Variants in JAZF1 observed in about 807,000 individuals in gnomAD.
JAZF1 encodes JAZF zinc finger 1.
JAZF1 carries 8 observed loss-of-function variants against 26.4 expected under a neutral mutation model. The ratio of observed to expected loss-of-function variants is 0.30; its 90% CI spans 0.18 to 0.55. The LOEUF is 0.55. Ranked by LOEUF, JAZF1 falls within the 20% of genes least tolerant of loss-of-function variation. The pLI, the probability that JAZF1 is intolerant of heterozygous loss-of-function variation, is 0.94. For synonymous variants in JAZF1, 126 were observed against 122.3 expected, an observed-to-expected ratio of 1.03 and a Z score of -0.20; for missense variants, 199 against 322.0, an observed-to-expected ratio of 0.62 and a Z score of 2.92.
intron 1 of JAZF1, among the ~76,000 whole-genome samples, chr7:28,026,582 G>A (rs34109885): frequency 1.3e-5 from 2 of 152,042 alleles, no homozygotes; most frequent in Admixed American, 6.6e-5. Context: ...CCTAGAATGT[G>A]CTACTCATAA....
chr7:27,943,172 T>C (rs1438379207), intron 2 of JAZF1, among the ~76,000 whole-genome samples: 1 of 152,158 alleles, frequency 6.6e-6, no homozygotes, highest in Non-Finnish European at 1.5e-5. Context: ...TTTCCCAGAA[T>C]AGAAGGGGAC....
chr7:27,979,398 TTTTTTTTA>T, intron 2 of JAZF1, among the ~76,000 whole-genome samples: 2 of 87,298 alleles, frequency 2.3e-5, no homozygotes, highest in African/African-American at 8.9e-5. Context: ...TTTTTTTTTT[TTTTTTTTA>T]GAAACAGAGT....
chr7:27,998,050 G>GAAGT, intron 1 of JAZF1, among the ~76,000 whole-genome samples: 1 of 141,802 alleles, frequency 7.1e-6, no homozygotes, highest in African/African-American at 2.7e-5. Flanking sequence ...AGGAAGGAAG[G>GAAGT]AAGGAAGGAA....
At chr7:28,165,556 C>T (rs887643273) in intron 1 of JAZF1, among the ~76,000 whole-genome samples, 1 of 152,196 alleles carries the variant, frequency 6.6e-6, no homozygotes, top group Middle Eastern at 3.2e-3. Context: ...GCTACACATG[C>T]AGGTCCCAGC....
At chr7:28,120,445 C>T (rs1410405102) in intron 1 of JAZF1, among the ~76,000 whole-genome samples, 1 of 149,242 alleles carries the variant, frequency 6.7e-6, no homozygotes, top group African/African-American at 2.5e-5. Context: ...GCATCCTTCC[C>T]TTTGTCCCTA....
chr7:28,172,245 C>T (rs1783481730), intron 1 of JAZF1, among the ~76,000 whole-genome samples: 1 of 152,184 alleles, frequency 6.6e-6, no homozygotes, highest in African/African-American at 2.4e-5. Context: ...TAATTATTGA[C>T]AATTCAGAAA....
At chr7:28,067,337 A>C (rs1259546276) in intron 1 of JAZF1, among the ~76,000 whole-genome samples, 1 of 152,178 alleles carries the variant, frequency 6.6e-6, no homozygotes, top group Non-Finnish European at 1.5e-5. Context: ...TCTGGTTGTT[A>C]AACCAGTGGA....
chr7:28,104,837 G>A (rs529295227), intron 1 of JAZF1, among the ~76,000 whole-genome samples: 10 of 152,278 alleles, frequency 6.6e-5, no homozygotes, highest in South Asian at 4.2e-4. Flanking sequence ...CGTCATCACC[G>A]AAGAGTGCAA....
intron 1 of JAZF1, among the ~76,000 whole-genome samples, chr7:28,139,420 T>C (rs1006881067): frequency 6.6e-6 from 1 of 152,200 alleles, no homozygotes; most frequent in African/African-American, 2.4e-5. Context: ...AGATGAGTCA[T>C]TAGGATGGAC....
Position 28,030,484 on chromosome 7 carries a change from C to T in JAZF1, c.116-38503G>A, listed in dbSNP as rs62449881. 8.9e-3 allele frequency among the ~76,000 whole-genome samples: 1,360 copies of T among 152,278 alleles called. 10 individuals carry two copies. The highest frequency in any genetic ancestry group is 0.014 in the Non-Finnish European group (953 of 68,004). ...AACGATGCCTTGACCAGGTAAACCT[C>T]CATGGTAAATGTGACTTGTTATGGA... On this transcript the variant is annotated intron_variant, in intron 1 of 4. Coordinates refer to ENST00000283928, the MANE Select transcript of JAZF1 (RefSeq NM_175061.4).
chr7:28,099,567 C>G (rs1163563033), intron 1 of JAZF1, among the ~76,000 whole-genome samples: 1 of 152,162 alleles, frequency 6.6e-6, no homozygotes, highest in Non-Finnish European at 1.5e-5. Flanking sequence ...ACCTCCACCT[C>G]CCAGGTTCAA....
At chr7:28,096,633 A>G (rs1201456938) in intron 1 of JAZF1, among the ~76,000 whole-genome samples, 2 of 152,218 alleles carry the variant, frequency 1.3e-5, no homozygotes, top group East Asian at 3.8e-4. Flanking sequence ...GTTCTGAACA[A>G]TTTATCTTCT....
At chr7:28,109,474 T>C (rs1198322210) in intron 1 of JAZF1, among the ~76,000 whole-genome samples, 3 of 152,206 alleles carry the variant, frequency 2.0e-5, no homozygotes, top group Non-Finnish European at 4.4e-5. Context: ...TTTCATCTGA[T>C]AACCCATAAA....
chr7:27,868,114 A>G (rs951236917), intron 3 of JAZF1, among the ~76,000 whole-genome samples: 4 of 152,276 alleles, frequency 2.6e-5, no homozygotes, highest in African/African-American at 9.6e-5. Flanking sequence ...GAATACGACA[A>G]CGGTGCTTGG....
At chr7:27,963,670 T>A (rs1785224196) in intron 2 of JAZF1, among the ~76,000 whole-genome samples, 1 of 148,742 alleles carries the variant, frequency 6.7e-6, no homozygotes, top group Non-Finnish European at 1.5e-5. Context: ...CAAGTGATCC[T>A]CCTACCTCAG....
chr7:27,856,792 G>A (rs1217695883), intron 3 of JAZF1, among the ~76,000 whole-genome samples: 1 of 151,946 alleles, frequency 6.6e-6, no homozygotes, highest in African/African-American at 2.4e-5. Context: ...TAGACATGAA[G>A]GTTCTCCAAG....
intron 1 of JAZF1, among the ~76,000 whole-genome samples, chr7:28,082,322 G>C (rs1246789256): frequency 2.0e-5 from 3 of 152,204 alleles, no homozygotes; most frequent in African/African-American, 7.2e-5. Flanking sequence ...ATTTCACTGG[G>C]CTGAGGAGTG....
Position 27,831,655 on chromosome 7 carries a change from C to T in JAZF1, c.*1145G>A, listed in dbSNP as rs995760845. 1.3e-5 allele frequency: 3 copies of T among 225,698 alleles called. No homozygotes were observed. The highest frequency in any genetic ancestry group is 2.7e-5 in the Non-Finnish European group (3 of 113,104). The allele number at this position is 225,698 out of a possible 1,614,324, so 14.0% of individuals were successfully genotyped here. A position where few individuals can be genotyped will look rare whatever the true frequency, so the allele number is the denominator to read the frequency against. On this transcript the variant is annotated 3_prime_UTR_variant, in exon 5 of 5. Coordinates refer to ENST00000283928, the MANE Select transcript of JAZF1 (RefSeq NM_175061.4). ...TTTTATAAAGCTAAACAGACATTTC[C>T]AATGAGAATGCAGACCTCTCTACAA...
chr7:27,986,173 G>A (rs1396573413), intron 2 of JAZF1, among the ~76,000 whole-genome samples: 1 of 152,176 alleles, frequency 6.6e-6, no homozygotes, highest in Non-Finnish European at 1.5e-5. Flanking sequence ...ATGTCAAATT[G>A]TCCCTGTTTG....
Sources: gnomAD v4.1 joint callset for allele counts (sites outside exome capture counted in the v4.1 genomes callset) on GRCh38, gnomAD v4.1.1 for gene constraint, MANE v1.5 for transcripts, NCBI Gene and HGNC (gene_info 2026-07-23, HGNC 2026-07-21) for gene names.